OSTN: variants seen among roughly 807,000 people sequenced by gnomAD.
OSTN encodes osteocrin.
OSTN carries 9 observed loss-of-function variants against 12.0 expected under a neutral mutation model. That is an observed-to-expected ratio of 0.75 (90% CI 0.45 to 1.30). The LOEUF (loss-of-function observed/expected upper bound fraction) is 1.30. Among genes scored for constraint, OSTN ranks in the 50% most tolerant of loss-of-function variants. The probability of loss-of-function intolerance (pLI) is 0.00; values close to 1 mark genes in which losing one functional copy is unlikely to be tolerated. For synonymous variants in OSTN, 59 were observed against 56.9 expected, an observed-to-expected ratio of 1.04 and a Z score of -0.16; for missense variants, 148 against 152.3, an observed-to-expected ratio of 0.97 and a Z score of 0.15.
At chr3:191,241,413 T>C (rs1278079604) in intron 3 of OSTN, among the ~76,000 whole-genome samples, 1 of 152,022 alleles carries the variant, frequency 6.6e-6, no homozygotes, top group Non-Finnish European at 1.5e-5. Flanking sequence ...CTCGATCTCC[T>C]GACCTCGTGA....
intron 4 of OSTN, among the ~76,000 whole-genome samples, chr3:191,260,567 G>A (rs564111149): frequency 2.0e-5 from 3 of 152,250 alleles, no homozygotes; most frequent in South Asian, 4.1e-4. Context: ...AGGCAACAAC[G>A]GCTGAGAAAA....
chr3:191,256,470 G>C (rs1267888058), intron 4 of OSTN, among the ~76,000 whole-genome samples: 1 of 152,026 alleles, frequency 6.6e-6, no homozygotes, highest in African/African-American at 2.4e-5. Flanking sequence ...CACAAAATAA[G>C]ATCACAGGTC....
chr3:191,260,293 T>C (rs776201273), intron 4 of OSTN, among the ~76,000 whole-genome samples: 8 of 151,468 alleles, frequency 5.3e-5, no homozygotes, highest in Non-Finnish European at 1.0e-4. Flanking sequence ...GGTGTACTTA[T>C]TCCAGTAACA....
At chr3:191,254,158 G>C (rs1715620731) in intron 4 of OSTN, among the ~76,000 whole-genome samples, 1 of 152,154 alleles carries the variant, frequency 6.6e-6, no homozygotes, top group Non-Finnish European at 1.5e-5. Context: ...CTCTATATGT[G>C]ATGCAGATAA....
chr3:191,258,708 A>C (rs920722861), intron 4 of OSTN, among the ~76,000 whole-genome samples: 3 of 152,030 alleles, frequency 2.0e-5, no homozygotes, highest in African/African-American at 7.2e-5. Context: ...GTACCCCCAA[A>C]AGAGGAAAGC....
intron 3 of OSTN, among the ~76,000 whole-genome samples, chr3:191,222,993 G>A (rs945471020): frequency 2.6e-5 from 4 of 151,740 alleles, no homozygotes; most frequent in Non-Finnish European, 4.4e-5. Context: ...CAGCCCTGTG[G>A]GGAATTAAAA....
intron 1 of OSTN, among the ~76,000 whole-genome samples, chr3:191,211,816 T>C (rs1714425271): frequency 6.6e-6 from 1 of 152,186 alleles, no homozygotes; most frequent in Non-Finnish European, 1.5e-5. Context: ...CATTTTTATT[T>C]AATTTGTGTC....
chr3:191,238,762 C>T (rs1715257731), intron 3 of OSTN, among the ~76,000 whole-genome samples: 1 of 152,182 alleles, frequency 6.6e-6, no homozygotes, highest in South Asian at 2.1e-4. Context: ...AGTGACTGTT[C>T]TTTACTGCAG....
chr3:191,260,770 G>T (rs1316677992), intron 4 of OSTN, among the ~76,000 whole-genome samples: 2 of 152,062 alleles, frequency 1.3e-5, no homozygotes, highest in Admixed American at 1.3e-4. Context: ...AGCTCTCCAG[G>T]ACATAAAACT....
intron 4 of OSTN, 44 bp from the exon 5 acceptor site, chr3:191,262,822 A>G (rs1164297600): frequency 1.4e-6 from 1 of 701,040 alleles, no homozygotes; most frequent in African/African-American, 1.7e-5. Context: ...CCTGATCTAC[A>G]GAGTTCTCAT....
At chr3:191,215,753 T>C (rs1168383654) in intron 2 of OSTN, among the ~76,000 whole-genome samples, 1 of 152,220 alleles carries the variant, frequency 6.6e-6, no homozygotes, top group East Asian at 1.9e-4. Flanking sequence ...TAGGTTCCCA[T>C]GGTCTTGAGC....
chr3:191,230,998 G>T (rs11916081), intron 3 of OSTN, among the ~76,000 whole-genome samples: 26,907 of 152,042 alleles, frequency 0.18, 3,826 homozygotes, highest in African/African-American at 0.39. Flanking sequence ...GAATCCCTCC[G>T]AATGCATACT....
At chr3:191,246,173 T>C (rs1481582645) in intron 3 of OSTN, among the ~76,000 whole-genome samples, 1 of 152,120 alleles carries the variant, frequency 6.6e-6, no homozygotes, top group African/African-American at 2.4e-5. Context: ...ATGTGACTGC[T>C]TTCCCCAGCC....
At chr3:191,245,540 G>A (rs906569232) in intron 3 of OSTN, among the ~76,000 whole-genome samples, 6 of 152,090 alleles carry the variant, frequency 3.9e-5, no homozygotes, top group African/African-American at 1.4e-4. Flanking sequence ...CAAATCTGGG[G>A]GAAAGGAGGT....
At chr3:191,254,691 A>G (rs1715632687) in intron 4 of OSTN, among the ~76,000 whole-genome samples, 1 of 152,240 alleles carries the variant, frequency 6.6e-6, no homozygotes, top group African/African-American at 2.4e-5. Context: ...TCTACCAAAG[A>G]TAAGTCATAG....
At chr3:191,261,707 G>A (rs1025804719) in intron 4 of OSTN, among the ~76,000 whole-genome samples, 2 of 152,122 alleles carry the variant, frequency 1.3e-5, no homozygotes, top group Non-Finnish European at 1.5e-5. Context: ...TCCCTGATAC[G>A]TATTTTTGAA....
intron 3 of OSTN, among the ~76,000 whole-genome samples, chr3:191,223,832 T>C (rs1416778024): frequency 6.6e-6 from 1 of 152,098 alleles, no homozygotes; most frequent in African/African-American, 2.4e-5. Context: ...GATTTAAAAA[T>C]CTATTATATC....
chr3:191,199,423 T>TA (rs1231812777), intron 1 of OSTN, 116 bp downstream of exon 1: 1 of 152,152 alleles, frequency 6.6e-6, no homozygotes, highest in Admixed American at 6.5e-5. Context: ...ATTAGAGTGG[T>TA]AATATTTCCC....
rs373617423 is a variant in OSTN at position 191,218,776 on chromosome 3, G to A, written c.132G>A (p.Gln44=). The change falls in exon 3 of 5, where the codon CAG becomes CAA. Residue 44 remains glutamine (Q), a synonymous_variant. Transcript: ENST00000682035. ...EAFDSGVIDV[Q]STPTVREEKS... ...TTGATTCTGGAGTCATAGATGTGCA[G>A]TCAACACCCACAGTCAGGGAAGAGA... 13 of 1,613,980 alleles carry A rather than the reference G, an allele frequency of 8.1e-6. No individual in the cohort carries two copies. Among genetic ancestry groups the A allele is most frequent in the Middle Eastern group, 3.3e-4 (2 of 6,060 alleles).
Sources: gnomAD v4.1 joint callset for allele counts (sites outside exome capture counted in the v4.1 genomes callset) on GRCh38, gnomAD v4.1.1 for gene constraint, MANE v1.5 for transcripts, NCBI Gene and HGNC (gene_info 2026-07-23, HGNC 2026-07-21) for gene names.